The following CABLES2 variants were observed in gnomAD, a reference collection of about 807,000 sequenced individuals.
CABLES2 encodes the protein CDK5 and ABL1 enzyme substrate 2.
A neutral mutation model predicts 44.8 loss-of-function variants in CABLES2; 35 were observed. That is an observed-to-expected ratio of 0.78 (90% CI 0.60 to 1.04). CABLES2 has a LOEUF of 1.04. Ranked by LOEUF, CABLES2 falls within the 50% of genes least tolerant of loss-of-function variation. The pLI, the probability that CABLES2 is intolerant of heterozygous loss-of-function variation, is 0.00. For synonymous variants in CABLES2, 282 were observed against 281.1 expected, an observed-to-expected ratio of 1.00 and a Z score of -0.03; for missense variants, 566 against 615.7, an observed-to-expected ratio of 0.92 and a Z score of 0.85.
intron 6 of CABLES2, 46 bp from the exon 7 acceptor site, chr20:62,393,069 C>T (rs1601471980): frequency 6.6e-7 from 1 of 1,519,352 alleles, no homozygotes. Flanking sequence ...TTGAGCAGTA[C>T]CCATCTAGCC....
rs780268695 is a variant in CABLES2 at position 62,406,901 on chromosome 20, G to A, written c.362+14C>T. Reference sequence around the variant, plus strand: ...CCCCGCGTCCTGGGCTGACCTGGCCGGGCCCCCACTCACCTCTGGCGCTGC... The same window carrying A: ...CCCCGCGTCCTGGGCTGACCTGGCCAGGCCCCCACTCACCTCTGGCGCTGC... On this transcript the variant is annotated intron_variant, in intron 1 of 9. Transcript: ENST00000279101. 9 of 1,209,102 alleles carry A rather than the reference G, an allele frequency of 7.4e-6. No individual in the cohort carries two copies. In the South Asian group the frequency reaches 1.7e-4, roughly 22 times the overall value. The allele number at this position is 1,209,102 out of a possible 1,614,324, so 74.9% of individuals were successfully genotyped here.
intron 7 of CABLES2, 141 bp downstream of exon 7, chr20:62,392,779 C>T (rs1056590969): frequency 2.4e-5 from 19 of 780,932 alleles, no homozygotes; most frequent in Admixed American, 1.5e-4. Flanking sequence ...CCCTGCACAC[C>T]GCCACTGTCT....
chr20:62,395,276 C>T (rs1987996946), intron 3 of CABLES2, among the ~76,000 whole-genome samples: 1 of 151,470 alleles, frequency 6.6e-6, no homozygotes, highest in Admixed American at 6.6e-5. Flanking sequence ...TGCACGTGGG[C>T]AGGCACAGCA....
chr20:62,406,784 G>A (rs952277302), intron 1 of CABLES2, 131 bp downstream of exon 1: 3 of 444,886 alleles, frequency 6.7e-6, no homozygotes, highest in Middle Eastern at 7.9e-4. Context: ...AAGGCCCCAG[G>A]TCACCTGACC....
At chr20:62,406,100 C>A (rs56188129) in intron 1 of CABLES2, among the ~76,000 whole-genome samples, 12,850 of 152,036 alleles carry the variant, frequency 0.085, 626 homozygotes, top group South Asian at 0.21. Context: ...GTGTGACAGA[C>A]CCAAAGATAC....
At chr20:62,399,240 A>ATATTTTATTTTATTT (rs60092988) in intron 1 of CABLES2, among the ~76,000 whole-genome samples, 38,925 of 148,766 alleles carry the variant, frequency 0.26, 5,304 homozygotes, top group African/African-American at 0.31. Context: ...GTGAGCCACC[A>ATATTTTATTTTATTT]TATTTTATTT....
At chr20:62,405,653 G>A (rs1014529816) in intron 1 of CABLES2, 12 of 152,342 alleles carry the variant, frequency 7.9e-5, no homozygotes, top group African/African-American at 2.9e-4. Flanking sequence ...GGAACCCAAT[G>A]CCTCCACCTG....
chr20:62,392,244 C>T, intron 8 of CABLES2, 145 bp downstream of exon 8: 2 of 590,254 alleles, frequency 3.4e-6, no homozygotes, highest in Admixed American at 6.1e-5. Flanking sequence ...GGAGCTGCTG[C>T]TGGGGGCCTG....
At position 62,391,504 on chromosome 20, in the gene CABLES2, G is replaced by T; in HGVS notation, c.1092-51C>A. On this transcript the variant is annotated intron_variant, in intron 8 of 9. Coordinates refer to ENST00000279101, the MANE Select transcript of CABLES2 (RefSeq NM_031215.3). This position sits in a 1 kb window ranked among gnomAD's most constrained non-coding sequence, Gnocchi z 5.7. ...CCCTGGGGGCTCTGGCTGGGGCTGA[G>T]GAGGCAGCCCCCTGCCACCACCAAC... The T allele has an allele frequency of 1.3e-6, 2 of 1,577,676 alleles. No individual in the cohort carries two copies. Among genetic ancestry groups the T allele is most frequent in the South Asian group, 1.1e-5 (1 of 90,230 alleles).
intron 1 of CABLES2, among the ~76,000 whole-genome samples, chr20:62,399,670 T>G (rs56997697): frequency 0.016 from 2,360 of 147,682 alleles, 76 homozygotes; most frequent in African/African-American, 0.056. Flanking sequence ...CTTGGCTCAG[T>G]GCAACCTCCA....
chr20:62,394,809 C>A, intron 4 of CABLES2, 128 bp downstream of exon 4: 1 of 778,890 alleles, frequency 1.3e-6, no homozygotes, highest in South Asian at 1.9e-5. Context: ...TGCTGAGCCT[C>A]GCATGAGCCC....
intron 1 of CABLES2, among the ~76,000 whole-genome samples, chr20:62,400,092 C>T (rs1202935535): frequency 2.0e-5 from 3 of 152,228 alleles, no homozygotes; most frequent in Non-Finnish European, 4.4e-5. Context: ...CGCCTGGTGC[C>T]TCACATTGGC....
intron 1 of CABLES2, among the ~76,000 whole-genome samples, chr20:62,406,588 G>T (rs563330835): frequency 1.6e-5 from 1 of 60,762 alleles, no homozygotes; most frequent in South Asian, 3.4e-4. Flanking sequence ...CCCCAGTTCT[G>T]TATCCAGGAC....
At chr20:62,399,976 A>T (rs933069149) in intron 1 of CABLES2, among the ~76,000 whole-genome samples, 5 of 152,266 alleles carry the variant, frequency 3.3e-5, no homozygotes, top group African/African-American at 7.2e-5. Flanking sequence ...TACCAAGTAC[A>T]GTTTGAAGTC....
chr20:62,398,659 C>T lies in CABLES2; in HGVS notation c.363-2067G>A, dbSNP rs543184791. Among the ~76,000 whole-genome samples, 85 of 152,320 alleles carry T rather than the reference C, an allele frequency of 5.6e-4. No homozygotes were observed. The South Asian group carries it at 0.016, about 29-fold the overall frequency. On this transcript the variant is annotated intron_variant, in intron 1 of 9. Coordinates refer to ENST00000279101, the MANE Select transcript of CABLES2 (RefSeq NM_031215.3). The stretch of plus-strand genomic sequence containing the variant: ...ACTCAGGCCCCCTCTCTGGTGGAGC[C>T]GGCCTGGAGTCCAGGTCCCCACACC...
chr20:62,391,083 C>T lies in CABLES2; in HGVS notation c.1325G>A (p.Arg442Lys). The T allele has an allele frequency of 6.2e-7, 1 of 1,614,134 alleles. No homozygotes were observed. Among genetic ancestry groups the T allele is most frequent in the South Asian group, 1.1e-5 (1 of 91,088 alleles). ...DKLEERFRFN[R>K]RDLIGFEFTV... ...GAACTCAAACCCTATCAGGTCGCGC[C>T]TGTTGAATCGAAACCTTTCTTCTAA... Residue 442 changes from arginine to lysine, a missense_variant, in exon 10 of 10, where the codon AGG becomes AAG. By Grantham distance (26) the Arg-to-Lys change is conservative. Transcript: ENST00000279101. This position sits in a 1 kb window ranked among gnomAD's most constrained non-coding sequence, Gnocchi z 5.7.
Position 62,395,627 on chromosome 20 carries a change from A to G in CABLES2, c.528-613T>C, listed in dbSNP as rs113446855. Among the ~76,000 whole-genome samples the G allele has an allele frequency of 4.2e-3, 635 of 152,344 alleles. 1 individual carries two copies. The highest frequency in any genetic ancestry group is 6.8e-3 in the Middle Eastern group (2 of 294). ...GGCCCAGGGTCTCACCAGGGGGACAACAGTGGGAGAACTTCTCCCCCTCTC... is the reference window on the plus strand; with the variant it reads ...GGCCCAGGGTCTCACCAGGGGGACAGCAGTGGGAGAACTTCTCCCCCTCTC... On this transcript the variant is annotated intron_variant, in intron 3 of 9. Transcript: ENST00000279101.
intron 1 of CABLES2, among the ~76,000 whole-genome samples, chr20:62,399,963 G>C (rs916867752): frequency 6.6e-6 from 1 of 152,174 alleles, no homozygotes; most frequent in Non-Finnish European, 1.5e-5. Flanking sequence ...ATGGTTGTAG[G>C]GGTACCAAGT....
intron 1 of CABLES2, chr20:62,402,614 G>C (rs750432415): frequency 1.3e-5 from 2 of 152,272 alleles, no homozygotes; most frequent in South Asian, 4.1e-4. Context: ...GGTTTTGTCC[G>C]ACCACCCCCA....
Sources: allele counts gnomAD v4.1 joint callset (sites outside exome capture counted in the v4.1 genomes callset), GRCh38; gene constraint gnomAD v4.1.1; non-coding constraint Gnocchi (gnomAD v3.1); transcripts MANE v1.5; gene names NCBI Gene and HGNC (gene_info 2026-07-23, HGNC 2026-07-21).